Variants in MTHFD2L observed in about 807,000 individuals in gnomAD.
MTHFD2L encodes bifunctional methylenetetrahydrofolate dehydrogenase/cyclohydrolase 2, mitochondrial.
MTHFD2L carries 29 observed loss-of-function variants against 34.9 expected under a neutral mutation model. The observed-to-expected ratio is 0.83, with a 90% CI of 0.62 to 1.13. The LOEUF (loss-of-function observed/expected upper bound fraction) is 1.13, where lower values mean the gene tolerates loss of function less well. MTHFD2L is among the 50% of genes most tolerant of loss of function. The probability of loss-of-function intolerance (pLI) is 0.00; values close to 1 mark genes in which losing one functional copy is unlikely to be tolerated. For missense variants in MTHFD2L, 481 were observed against 446.5 expected (o/e 1.08, Z -0.70); for synonymous variants, 167 against 155.7 (o/e 1.07, Z -0.54).
chr4:74,286,088 G>T (rs1748129711), intron 7 of MTHFD2L, among the ~76,000 whole-genome samples: 3 of 152,082 alleles, frequency 2.0e-5, no homozygotes, highest in African/African-American at 7.2e-5. Context: ...AAATTGAAGT[G>T]CTATTTTGTT....
At chr4:74,157,990 T>C (rs754311499), upstream of MTHFD2L, 100 of 1,229,596 alleles carry the variant, frequency 8.1e-5, no homozygotes, top group Middle Eastern at 3.7e-4. Flanking sequence ...AACCGCTCTT[T>C]ACCCCACTCT....
At chr4:74,203,084 C>A (rs1734719532) in intron 5 of MTHFD2L, among the ~76,000 whole-genome samples, 1 of 152,090 alleles carries the variant, frequency 6.6e-6, no homozygotes, top group African/African-American at 2.4e-5. Context: ...AATGATGACA[C>A]TTTTGAATAA....
chr4:74,265,278 T>C (rs923912385), intron 6 of MTHFD2L, among the ~76,000 whole-genome samples: 1 of 152,200 alleles, frequency 6.6e-6, no homozygotes, highest in African/African-American at 2.4e-5. Flanking sequence ...AGGGCTCTGC[T>C]CTAATGTGGG....
chr4:74,158,439 T>C, intron 1 of MTHFD2L, 158 bp downstream of exon 1: 1 of 439,744 alleles, frequency 2.3e-6, no homozygotes, highest in Non-Finnish European at 3.1e-6. Flanking sequence ...GCCTTGCCGG[T>C]CGCGCGGGCG....
intron 3 of MTHFD2L, among the ~76,000 whole-genome samples, chr4:74,177,481 A>G (rs1729271817): frequency 6.6e-6 from 1 of 152,042 alleles, no homozygotes; most frequent in Non-Finnish European, 1.5e-5. Flanking sequence ...GAGAAGACAT[A>G]CAAATGGCCA....
intron 3 of MTHFD2L, 25 bp from the exon 4 acceptor site, chr4:74,199,769 T>C: frequency 6.4e-7 from 1 of 1,572,494 alleles, no homozygotes. Flanking sequence ...ATTTTAAAAT[T>C]AGACAAATTT....
intron 5 of MTHFD2L, among the ~76,000 whole-genome samples, chr4:74,219,998 T>G (rs1327783759): frequency 6.6e-6 from 1 of 152,084 alleles, no homozygotes; most frequent in Non-Finnish European, 1.5e-5. Flanking sequence ...CTTATATGTG[T>G]GTACAAATCA....
chr4:74,148,271 A>G (rs1451641474), intron 1 of MTHFD2L, among the ~76,000 whole-genome samples: 1 of 151,300 alleles, frequency 6.6e-6, no homozygotes, highest in African/African-American at 2.4e-5. Flanking sequence ...AAAGTGTGAG[A>G]CCTCCAACAT....
intron 1 of MTHFD2L, among the ~76,000 whole-genome samples, chr4:74,133,451 T>C (rs539032176): frequency 4.9e-4 from 74 of 152,240 alleles, no homozygotes; most frequent in Non-Finnish European, 8.8e-4. Flanking sequence ...AATTTTTAGA[T>C]TTGGTCTTTT....
intron 3 of MTHFD2L, among the ~76,000 whole-genome samples, chr4:74,196,945 C>CA (rs571646612): frequency 0.011 from 633 of 58,808 alleles, 3 homozygotes; most frequent in South Asian, 0.013. Context: ...GACTCTGTCT[C>CA]AAAAAAAAAA....
At chr4:74,246,618 C>A (rs1742497142) in intron 6 of MTHFD2L, among the ~76,000 whole-genome samples, 1 of 152,134 alleles carries the variant, frequency 6.6e-6, no homozygotes, top group African/African-American at 2.4e-5. Context: ...TTAGGTCTAA[C>A]ATTTAAGTCT....
intron 3 of MTHFD2L, among the ~76,000 whole-genome samples, chr4:74,185,151 C>CAAAAAAAAAAAAAAA (rs1169021073): frequency 1.9e-4 from 3 of 15,982 alleles, no homozygotes; most frequent in East Asian, 2.2e-3. Flanking sequence ...GACTCCATCT[C>CAAAAAAAAAAAAAAA]AAAAAAAAAA....
chr4:74,265,247 T>A (rs79171125), intron 6 of MTHFD2L, among the ~76,000 whole-genome samples: 3 of 152,146 alleles, frequency 2.0e-5, no homozygotes, highest in Non-Finnish European at 4.4e-5. Context: ...ACTGGCTTAT[T>A]TATGTGTCTG....
intron 6 of MTHFD2L, among the ~76,000 whole-genome samples, chr4:74,277,414 A>G (rs1242728728): frequency 1.3e-5 from 2 of 151,942 alleles, no homozygotes; most frequent in Admixed American, 6.6e-5. Flanking sequence ...CTTTATCTCA[A>G]GATGCCCCAT....
At chr4:74,178,982 G>T (rs1233086594) in intron 3 of MTHFD2L, among the ~76,000 whole-genome samples, 1 of 152,024 alleles carries the variant, frequency 6.6e-6, no homozygotes, top group Non-Finnish European at 1.5e-5. Flanking sequence ...GTGTTATCTA[G>T]TGAGTCATGT....
At chr4:74,231,637 G>C (rs1740080763) in intron 6 of MTHFD2L, among the ~76,000 whole-genome samples, 1 of 152,212 alleles carries the variant, frequency 6.6e-6, no homozygotes, top group South Asian at 2.1e-4. Context: ...AAATGCACAG[G>C]CCTTTCTAAA....
chr4:74,171,124 A>G (rs190983446), intron 1 of MTHFD2L, among the ~76,000 whole-genome samples: 17 of 152,192 alleles, frequency 1.1e-4, no homozygotes, highest in African/African-American at 3.6e-4. Flanking sequence ...AACTTAAAGT[A>G]TAATAATAAT....
intron 1 of MTHFD2L, among the ~76,000 whole-genome samples, chr4:74,167,601 T>C (rs926147468): frequency 1.1e-4 from 17 of 152,170 alleles, no homozygotes; most frequent in Admixed American, 8.5e-4. Context: ...GAGTGTTTTA[T>C]AAGCTGAGAC....
rs1741759997 is a variant in MTHFD2L at position 74,241,806 on chromosome 4, A to G, written c.805+16412A>G. Reference sequence around the variant, plus strand: ...CAATATTCCTCAGCAGTGAAAAGGAATGAACTATTGATACAGCAACCTGAA... The same window carrying G: ...CAATATTCCTCAGCAGTGAAAAGGAGTGAACTATTGATACAGCAACCTGAA... On this transcript the variant is annotated intron_variant, in intron 6 of 7. Coordinates refer to ENST00000325278, the MANE Select transcript of MTHFD2L (RefSeq NM_001144978.3). 6 of 165,138 alleles carry G rather than the reference A, an allele frequency of 3.6e-5. No homozygotes were observed. The South Asian group carries it at 8.2e-4, about 23-fold the overall frequency. The allele number at this position is 165,138 out of a possible 1,614,324, so 10.2% of individuals were successfully genotyped here.
Sources: allele counts gnomAD v4.1 joint callset (sites outside exome capture counted in the v4.1 genomes callset), GRCh38; gene constraint gnomAD v4.1.1; transcripts MANE v1.5; gene names NCBI Gene and HGNC (gene_info 2026-07-23, HGNC 2026-07-21).